ACAD11: variants seen among roughly 807,000 people sequenced by gnomAD.
ACAD11 encodes acyl-CoA dehydrogenase family member 11.
Under a neutral mutation model 102.2 loss-of-function variants are expected in ACAD11, and 83 were observed. The observed-to-expected ratio is 0.81, with a 90% CI of 0.68 to 0.97. ACAD11 has a LOEUF of 0.97. Among genes scored for constraint, ACAD11 ranks in the 50% least tolerant of loss-of-function variants. The pLI is 0.00. For missense variants in ACAD11, 901 were observed against 951.7 expected, an observed-to-expected ratio of 0.95 and a Z score of 0.70; for synonymous variants, 324 against 319.8, an observed-to-expected ratio of 1.01 and a Z score of -0.14.
chr3:132,657,939 T>C (rs1308849006), intron 1 of ACAD11, among the ~76,000 whole-genome samples: 4 of 148,842 alleles, frequency 2.7e-5, no homozygotes, highest in African/African-American at 7.4e-5. Flanking sequence ...CTTGGCTCAC[T>C]GCAACCTCCC....
chr3:132,623,136 A>G (rs796967216), intron 9 of ACAD11, among the ~76,000 whole-genome samples: 5 of 152,312 alleles, frequency 3.3e-5, no homozygotes, highest in African/African-American at 1.2e-4. Context: ...TATAATATTC[A>G]AGGAGTTTCA....
chr3:132,559,939 C>A lies in ACAD11; in HGVS notation c.2122G>T (p.Ala708Ser), dbSNP rs1937001976. ...LGSAGAKKEI[A>S]MIKVAAPRAV... ...CGTGGGGCAGCCACTTTGATCATTG[C>A]AATCTATATAAGCAAAATATGAAAA... is the stretch of plus-strand genomic sequence containing the variant. The change falls in exon 19 of 20, where the codon GCA becomes TCA. Residue 708 changes from alanine to serine, a missense_variant. Physicochemically the swap from Ala to Ser is moderately conservative, Grantham distance 99. Transcript: ENST00000264990. 2 of 1,610,016 alleles carry A rather than the reference C, an allele frequency of 1.2e-6. No individual in the cohort carries two copies. Among genetic ancestry groups the A allele is most frequent in the East Asian group, 2.2e-5 (1 of 44,798 alleles).
chr3:132,629,072 C>T lies in ACAD11; in HGVS notation c.964-626G>A, dbSNP rs1939932526. Among the ~76,000 whole-genome samples the T allele has an allele frequency of 2.0e-5, 3 of 152,278 alleles. No individual in the cohort carries two copies. In the East Asian group the frequency reaches 5.8e-4, roughly 29 times the overall value. On this transcript the variant is annotated intron_variant, in intron 7 of 19. Coordinates refer to ENST00000264990, the MANE Select transcript of ACAD11 (RefSeq NM_032169.5). ...AAATAAAACACTGTAATAGTTCTTC[C>T]ATCATATTCAATTTTATATTTCCAA...
chr3:132,640,900 A>G (rs1940469132), intron 4 of ACAD11, among the ~76,000 whole-genome samples: 1 of 152,018 alleles, frequency 6.6e-6, no homozygotes, highest in Admixed American at 6.6e-5. Context: ...TATATCTAGT[A>G]TTGCTTTCCT....
At chr3:132,640,884 C>G (rs1470146713) in intron 4 of ACAD11, among the ~76,000 whole-genome samples, 1 of 152,018 alleles carries the variant, frequency 6.6e-6, no homozygotes, top group Non-Finnish European at 1.5e-5. Flanking sequence ...GGAAAGCAGC[C>G]CCATATATAT....
At chr3:132,575,132 C>A (rs1385609761) in intron 17 of ACAD11, among the ~76,000 whole-genome samples, 1 of 152,130 alleles carries the variant, frequency 6.6e-6, no homozygotes, top group Non-Finnish European at 1.5e-5. Flanking sequence ...CAGGTGTGAG[C>A]CACTGCGCCT....
At chr3:132,656,001 C>T (rs73860788) in intron 1 of ACAD11, among the ~76,000 whole-genome samples, 2,334 of 152,266 alleles carry the variant, frequency 0.015, 48 homozygotes, top group African/African-American at 0.053. Context: ...ATTTTCACTA[C>T]CCGGAGAAAA....
At chr3:132,601,278 T>C in intron 13 of ACAD11, 3 of 1,613,994 alleles carry the variant, frequency 1.9e-6, no homozygotes, top group Non-Finnish European at 2.5e-6. Flanking sequence ...ATCGCACTCT[T>C]TCACAGCTGC....
At chr3:132,587,685 TG>T (rs1937899610) in intron 13 of ACAD11, among the ~76,000 whole-genome samples, 1 of 151,968 alleles carries the variant, frequency 6.6e-6, no homozygotes, top group African/African-American at 2.4e-5. Flanking sequence ...GTGATTTTTT[TG>T]TTTTGAAACT....
Position 132,631,613 on chromosome 3 carries a change from C to T in ACAD11, c.703-134G>A, listed in dbSNP as rs970268580. On this transcript the variant is annotated intron_variant, in intron 5 of 19. Transcript: ENST00000264990. ...AATTTCAGGTCTTTACCCACAGTGG[C>T]ATATCTCATTTATAAAATAGCCAAT... is the stretch of plus-strand genomic sequence containing the variant. The T allele has an allele frequency of 1.3e-5, 8 of 633,512 alleles. No individual in the cohort carries two copies. In the African/African-American group the frequency reaches 1.5e-4, roughly 12 times the overall value. 39.2% of individuals were successfully genotyped at this position (633,512 alleles called of 1,614,324 possible).
chr3:132,591,611 C>T (rs542660255), intron 13 of ACAD11, among the ~76,000 whole-genome samples: 2 of 152,110 alleles, frequency 1.3e-5, no homozygotes, highest in East Asian at 3.9e-4. Flanking sequence ...AAATGTTGGC[C>T]GGGCATGATG....
chr3:132,646,290 T>TA (rs1491185516), intron 1 of ACAD11: 3 of 152,198 alleles, frequency 2.0e-5, no homozygotes, highest in African/African-American at 7.2e-5. Context: ...ACACATTTTT[T>TA]AAAAAATGCC....
At chr3:132,610,924 A>G (rs1057288128) in intron 11 of ACAD11, among the ~76,000 whole-genome samples, 1 of 152,214 alleles carries the variant, frequency 6.6e-6, no homozygotes, top group Non-Finnish European at 1.5e-5. Context: ...CAATAAAAAA[A>G]GAGAATTTTA....
chr3:132,601,966 A>AG (rs1938624361), intron 13 of ACAD11: 2 of 178,510 alleles, frequency 1.1e-5, no homozygotes, highest in Non-Finnish European at 2.7e-5. Context: ...GTTAAAAAAA[A>AG]ACCCACTATG....
Position 132,605,183 on chromosome 3 carries a change from C to A in ACAD11, c.1437G>T (p.Leu479=). The change falls in exon 12 of 20, where the codon CTG becomes CTT. Residue 479 remains leucine (L), a synonymous_variant. Transcript: ENST00000264990. The stretch of plus-strand genomic sequence containing the variant: ...TCTGTTCCTCACTTCCATACAGGTG[C>A]AGAACCTCCATATTCCCTGTGTCTA... ...QAPDTGNMEV[L]HLYGSEEQKK... 1 of 1,612,800 alleles carries A rather than the reference C, an allele frequency of 6.2e-7. No homozygotes were observed. Among genetic ancestry groups the A allele is most frequent in the Non-Finnish European group, 8.5e-7 (1 of 1,179,084 alleles).
chr3:132,590,759 G>A (rs1477694219), intron 13 of ACAD11, among the ~76,000 whole-genome samples: 3 of 152,188 alleles, frequency 2.0e-5, no homozygotes, highest in African/African-American at 7.2e-5. Context: ...CTAATGATCA[G>A]TGATATTGAG....
chr3:132,610,137 G>A (rs1939062806), intron 11 of ACAD11, among the ~76,000 whole-genome samples: 1 of 152,010 alleles, frequency 6.6e-6, no homozygotes, highest in South Asian at 2.1e-4. Flanking sequence ...AAAATAATAA[G>A]AGCTATTTAT....
intron 2 of ACAD11, among the ~76,000 whole-genome samples, chr3:132,643,714 G>C (rs1940611945): frequency 6.6e-6 from 1 of 152,116 alleles, no homozygotes; most frequent in African/African-American, 2.4e-5. Flanking sequence ...AACCACTCAG[G>C]TGTTGGGAAA....
chr3:132,622,247 G>T (rs1228134648), intron 9 of ACAD11, among the ~76,000 whole-genome samples: 1 of 152,102 alleles, frequency 6.6e-6, no homozygotes, highest in African/African-American at 2.4e-5. Flanking sequence ...ATTGAAGCAT[G>T]GCTAGTCTAG....
Sources: allele counts gnomAD v4.1 joint callset (sites outside exome capture counted in the v4.1 genomes callset), GRCh38; gene constraint gnomAD v4.1.1; transcripts MANE v1.5; gene names NCBI Gene and HGNC (gene_info 2026-07-23, HGNC 2026-07-21).